The following TRPM3 variants were observed in gnomAD, a reference collection of about 807,000 sequenced individuals.
TRPM3 encodes long transient receptor potential channel 3.
Under a neutral mutation model 181.2 loss-of-function variants are expected in TRPM3, and 77 were observed. That is an observed-to-expected ratio of 0.42 (90% confidence interval 0.35 to 0.51). The LOEUF is 0.51. TRPM3 is among the 20% of genes least tolerant of loss of function. The pLI is 0.01. For synonymous variants in TRPM3, 745 were observed against 796.4 expected, an observed-to-expected ratio of 0.94 and a Z score of 1.09; for missense variants, 1,759 against 2,196.7, an observed-to-expected ratio of 0.80 and a Z score of 3.98.
intron 1 of TRPM3, among the ~76,000 whole-genome samples, chr9:71,257,288 A>C (rs2082731747): frequency 6.6e-6 from 1 of 152,124 alleles, no homozygotes; most frequent in Non-Finnish European, 1.5e-5. Context: ...GAGTTGGGAG[A>C]ATATGGCAAA....
intron 11 of TRPM3, among the ~76,000 whole-genome samples, chr9:70,635,538 C>T (rs1219542138): frequency 6.7e-6 from 1 of 148,928 alleles, no homozygotes; most frequent in East Asian, 2.0e-4. Context: ...TCACAGCTCA[C>T]TGCAGCCTCG....
chr9:71,195,405 G>A (rs577109689), intron 1 of TRPM3, among the ~76,000 whole-genome samples: 3 of 151,626 alleles, frequency 2.0e-5, no homozygotes, highest in East Asian at 1.9e-4. Context: ...CAATATCACT[G>A]TAAGATAGCA....
At chr9:70,899,777 G>T (rs77879863) in intron 1 of TRPM3, among the ~76,000 whole-genome samples, 3,003 of 152,284 alleles carry the variant, frequency 0.02, 51 homozygotes, top group Middle Eastern at 0.048. Context: ...CACTGGGTTA[G>T]GAACCCTCTC....
At chr9:70,834,470 A>T (rs79381582) in intron 5 of TRPM3, among the ~76,000 whole-genome samples, 1 of 152,212 alleles carries the variant, frequency 6.6e-6, no homozygotes, top group East Asian at 1.9e-4. Context: ...TGGGGTGATT[A>T]AAAAATATCT....
chr9:71,018,042 T>C (rs1332191226), intron 1 of TRPM3, among the ~76,000 whole-genome samples: 5 of 151,894 alleles, frequency 3.3e-5, no homozygotes, highest in Non-Finnish European at 5.9e-5. Context: ...GATCCCCCGC[T>C]GTTTAAGATC....
At chr9:71,231,056 A>G (rs902736510) in intron 1 of TRPM3, among the ~76,000 whole-genome samples, 6 of 152,344 alleles carry the variant, frequency 3.9e-5, no homozygotes, top group Middle Eastern at 3.4e-3. Flanking sequence ...GAATATATCA[A>G]GCTACTTTGA....
intron 6 of TRPM3, among the ~76,000 whole-genome samples, chr9:70,784,815 C>T (rs2130861878): frequency 6.6e-6 from 1 of 152,264 alleles, no homozygotes. Context: ...GAATCAACTA[C>T]TGGCTGAATT....
chr9:71,369,458 T>G (rs2092441929), intron 1 of TRPM3, among the ~76,000 whole-genome samples: 1 of 152,108 alleles, frequency 6.6e-6, no homozygotes, highest in Admixed American at 6.5e-5. Context: ...TATATCTAGG[T>G]GTGTAGTAAA....
At chr9:71,211,073 G>A (rs995279682) in intron 1 of TRPM3, among the ~76,000 whole-genome samples, 15 of 152,142 alleles carry the variant, frequency 9.9e-5, no homozygotes, top group Admixed American at 9.8e-4. Flanking sequence ...GAATTTTGGG[G>A]TAACACAGTC....
At chr9:70,753,700 A>G (rs534265892) in intron 8 of TRPM3, among the ~76,000 whole-genome samples, 1 of 152,282 alleles carries the variant, frequency 6.6e-6, no homozygotes, top group South Asian at 2.1e-4. Flanking sequence ...ATCCAGGTTC[A>G]GGTTCAATAT....
chr9:70,778,560 AT>A (rs1242149991), intron 7 of TRPM3, among the ~76,000 whole-genome samples: 8 of 152,234 alleles, frequency 5.3e-5, no homozygotes, highest in Non-Finnish European at 1.2e-4. Flanking sequence ...TGAGAAAGTT[AT>A]AAAAAAGAAT....
intron 1 of TRPM3, among the ~76,000 whole-genome samples, chr9:71,173,597 T>C (rs566722342): frequency 6.6e-6 from 1 of 152,316 alleles, no homozygotes; most frequent in Non-Finnish European, 1.5e-5. Context: ...TGGCTGTGTA[T>C]TGAGGGAGGT....
chr9:71,335,548 C>A (rs1341698331), intron 1 of TRPM3, among the ~76,000 whole-genome samples: 1 of 151,978 alleles, frequency 6.6e-6, no homozygotes, highest in Non-Finnish European at 1.5e-5. Flanking sequence ...TGAAACAATT[C>A]TGAATATAAT....
chr9:71,191,483 T>C (rs1246599708), intron 1 of TRPM3, among the ~76,000 whole-genome samples: 1 of 151,744 alleles, frequency 6.6e-6, no homozygotes, highest in East Asian at 1.9e-4. Flanking sequence ...TCTACTTCCT[T>C]CCAACACTTA....
intron 21 of TRPM3, among the ~76,000 whole-genome samples, chr9:70,593,090 T>C (rs2058410787): frequency 6.6e-6 from 1 of 152,198 alleles, no homozygotes; most frequent in Admixed American, 6.5e-5. Flanking sequence ...CTTCCTTGTA[T>C]GCCTTAGGAC....
intron 1 of TRPM3, among the ~76,000 whole-genome samples, chr9:70,998,428 C>T (rs781205065): frequency 1.3e-5 from 2 of 151,940 alleles, no homozygotes; most frequent in African/African-American, 4.8e-5. Flanking sequence ...GTCCTGCCCC[C>T]ACACATGCCT....
Position 70,878,241 on chromosome 9 carries a change from C to A in TRPM3, c.178-13730G>T, listed in dbSNP as rs1267762562. 1.3e-5 allele frequency among the ~76,000 whole-genome samples: 2 copies of A among 152,006 alleles called. 1 individual carries two copies. The highest frequency in any genetic ancestry group is 1.3e-4 in the Admixed American group (2 of 15,236). On this transcript the variant is annotated intron_variant, in intron 1 of 25. Transcript: ENST00000677713. ...AAAACATTTCACTTTGCTTACAGTT[C>A]TAATGCAGAAGTCTTTAATTTATCA...
intron 1 of TRPM3, among the ~76,000 whole-genome samples, chr9:71,076,682 T>A (rs1016038623): frequency 6.6e-6 from 1 of 152,184 alleles, no homozygotes; most frequent in African/African-American, 2.4e-5. Context: ...GCTAATGTCC[T>A]TTCCTCAACC....
rs1296527112 is a variant in TRPM3 at position 70,529,866 on chromosome 9, T to C, written c.*6087A>G. On this transcript the variant is annotated 3_prime_UTR_variant, in exon 26 of 26. Coordinates refer to ENST00000677713, the MANE Select transcript of TRPM3 (RefSeq NM_001366145.2). The stretch of plus-strand genomic sequence containing the variant: ...GGAAAGCTGAATTTGAAGGTGTTTG[T>C]GGTGGGATGTGTATTCTGTCATGCC... The C allele has an allele frequency of 1.3e-5, 2 of 152,216 alleles. No individual in the cohort carries two copies. The allele number at this position is 152,216 out of a possible 1,614,324, so 9.4% of individuals were successfully genotyped here. A position where few individuals can be genotyped will look rare whatever the true frequency, so the allele number is the denominator to read the frequency against.
Sources: gnomAD v4.1 joint callset for allele counts (sites outside exome capture counted in the v4.1 genomes callset) on GRCh38, gnomAD v4.1.1 for gene constraint, MANE v1.5 for transcripts, NCBI Gene and HGNC (gene_info 2026-07-23, HGNC 2026-07-21) for gene names.